NUBPL: variants seen among roughly 807,000 people sequenced by gnomAD.
NUBPL encodes the protein iron-sulfur cluster transfer protein NUBPL.
A neutral mutation model predicts 45.7 loss-of-function variants in NUBPL; 31 were observed. The observed-to-expected ratio is 0.68, with a 90% CI of 0.51 to 0.92. NUBPL has a LOEUF of 0.92. NUBPL is among the 40% of genes least tolerant of loss of function. The pLI is 0.00. For synonymous variants in NUBPL, 144 were observed against 140.9 expected (o/e 1.02, Z -0.15); for missense variants, 401 against 398.7 (o/e 1.01, Z -0.05).
At chr14:31,600,669 G>A (rs1414942850) in intron 4 of NUBPL, among the ~76,000 whole-genome samples, 1 of 152,122 alleles carries the variant, frequency 6.6e-6, no homozygotes, top group Non-Finnish European at 1.5e-5. Flanking sequence ...TGTCAGATGA[G>A]TAGGTTGCAA....
At chr14:31,793,209 C>T (rs1156309451) in intron 7 of NUBPL, among the ~76,000 whole-genome samples, 1 of 151,838 alleles carries the variant, frequency 6.6e-6, no homozygotes, top group African/African-American at 2.4e-5. Context: ...ATTTGGGATC[C>T]CTCTAGAAAA....
chr14:31,817,944 C>CA (rs2039949413), intron 7 of NUBPL, among the ~76,000 whole-genome samples: 1 of 147,532 alleles, frequency 6.8e-6, no homozygotes, highest in African/African-American at 2.6e-5. Context: ...CACATAGGCT[C>CA]AAAATAAAGG....
At chr14:31,802,412 A>G (rs975288472) in intron 7 of NUBPL, among the ~76,000 whole-genome samples, 1 of 151,894 alleles carries the variant, frequency 6.6e-6, no homozygotes, top group African/African-American at 2.4e-5. Flanking sequence ...AGTAGCTGGG[A>G]CTACAGGCGC....
At chr14:31,638,923 C>T (rs1487613244) in intron 4 of NUBPL, among the ~76,000 whole-genome samples, 1 of 152,202 alleles carries the variant, frequency 6.6e-6, no homozygotes, top group Non-Finnish European at 1.5e-5. Flanking sequence ...TGAGCCTTGG[C>T]TTTCAGCTCC....
At chr14:31,567,534 A>AT (rs551971281) in intron 3 of NUBPL, among the ~76,000 whole-genome samples, 2 of 151,940 alleles carry the variant, frequency 1.3e-5, no homozygotes, top group Non-Finnish European at 2.9e-5. Context: ...TATTTTTCAC[A>AT]TTGCTGTATT....
rs2139028960 is a variant in NUBPL at position 31,859,367 on chromosome 14, C to T, written c.*187C>T. The T allele has an allele frequency of 1.6e-6, 1 of 613,880 alleles. No homozygotes were observed. Among genetic ancestry groups the T allele is most frequent in the South Asian group, 1.9e-5 (1 of 51,912 alleles). The allele number at this position is 613,880 out of a possible 1,614,324, so 38.0% of individuals were successfully genotyped here. Reference sequence around the variant, plus strand: ...AACTTTGATGTATCAATGTTAACTGCTATATTTAGGAATTTTTTGAAAGCT... The same window carrying T: ...AACTTTGATGTATCAATGTTAACTGTTATATTTAGGAATTTTTTGAAAGCT... On this transcript the variant is annotated 3_prime_UTR_variant, in exon 11 of 11. Coordinates refer to ENST00000281081, the MANE Select transcript of NUBPL (RefSeq NM_025152.3).
chr14:31,643,548 CGCT>C, intron 4 of NUBPL, among the ~76,000 whole-genome samples: 1 of 152,056 alleles, frequency 6.6e-6, no homozygotes, highest in Middle Eastern at 3.4e-3. Context: ...GAATTCAGTT[CGCT>C]GCTATTTTGT....
chr14:31,738,804 T>C (rs2038215279), intron 6 of NUBPL, among the ~76,000 whole-genome samples: 1 of 152,190 alleles, frequency 6.6e-6, no homozygotes, highest in African/African-American at 2.4e-5. Flanking sequence ...TATAAATTGG[T>C]ATTTTTAAAA....
intron 10 of NUBPL, among the ~76,000 whole-genome samples, chr14:31,854,401 G>C (rs1316974728): frequency 6.6e-6 from 1 of 152,180 alleles, no homozygotes; most frequent in Non-Finnish European, 1.5e-5. Flanking sequence ...TTTTTTGCTA[G>C]TTATGGATTA....
chr14:31,722,027 C>T (rs940161849), intron 6 of NUBPL, among the ~76,000 whole-genome samples: 3 of 151,970 alleles, frequency 2.0e-5, no homozygotes, highest in Admixed American at 6.6e-5. Context: ...GACAGAGTCT[C>T]GTTCTGTCGC....
chr14:31,632,842 T>C (rs920475923), intron 4 of NUBPL, among the ~76,000 whole-genome samples: 2 of 152,190 alleles, frequency 1.3e-5, no homozygotes, highest in African/African-American at 2.4e-5. Flanking sequence ...AAAGTATCCA[T>C]AGGGAAAGAA....
At chr14:31,603,298 T>TG (rs1555316287) in intron 4 of NUBPL, among the ~76,000 whole-genome samples, 2 of 94,276 alleles carry the variant, frequency 2.1e-5, no homozygotes, top group Non-Finnish European at 4.0e-5. Context: ...AGATCCTGTC[T>TG]GAAAAAAAAA....
intron 6 of NUBPL, among the ~76,000 whole-genome samples, chr14:31,768,185 T>C (rs2038946771): frequency 1.3e-5 from 2 of 152,212 alleles, no homozygotes; most frequent in South Asian, 4.1e-4. Flanking sequence ...GTTTCTTAGC[T>C]AAAATTCCTG....
chr14:31,856,323 C>T (rs1487658346), intron 10 of NUBPL, among the ~76,000 whole-genome samples: 1 of 152,074 alleles, frequency 6.6e-6, no homozygotes, highest in Non-Finnish European at 1.5e-5. Context: ...GATTCAATCA[C>T]CTCCCACCAG....
At chr14:31,826,756 C>CAGTTAGAAGAGTTT in intron 8 of NUBPL, 42 bp downstream of exon 8, 1 of 1,537,748 alleles carries the variant, frequency 6.5e-7, no homozygotes, top group Non-Finnish European at 9.0e-7. Flanking sequence ...TAAAACTCTT[C>CAGTTAGAAGAGTTT]TAACTGAAGA....
At chr14:31,845,715 A>T (rs1248656193) in intron 8 of NUBPL, 4 of 152,350 alleles carry the variant, frequency 2.6e-5, no homozygotes, top group African/African-American at 9.6e-5. Flanking sequence ...TCTTGTGAAG[A>T]GTAAATAAGA....
chr14:31,785,546 T>C (rs2039268707), intron 6 of NUBPL, among the ~76,000 whole-genome samples: 1 of 152,102 alleles, frequency 6.6e-6, no homozygotes, highest in African/African-American at 2.4e-5. Context: ...CATGGAAAAA[T>C]TGTCTTCCAC....
In NUBPL at chr14:31,826,729, C is replaced by T. The variant is rs1403420439; in HGVS notation, c.693+15C>T. 2 of 1,607,704 alleles carry T rather than the reference C, an allele frequency of 1.2e-6. No homozygotes were observed. Among genetic ancestry groups the T allele is most frequent in the Non-Finnish European group, 1.7e-6 (2 of 1,174,220 alleles). On this transcript the variant is annotated intron_variant, in intron 8 of 10. Transcript: ENST00000281081. ...TCCACGTGCCCGTAAGCGTTTACAG[C>T]TTCACTGTGAAAAATATAAAACTCT...
At chr14:31,768,798 G>A (rs2138754659) in intron 6 of NUBPL, among the ~76,000 whole-genome samples, 1 of 152,334 alleles carries the variant, frequency 6.6e-6, no homozygotes, top group Admixed American at 6.5e-5. Flanking sequence ...AAGATGAAGA[G>A]TTCATCCTGG....
Sources: gnomAD v4.1 joint callset for allele counts (sites outside exome capture counted in the v4.1 genomes callset) on GRCh38, gnomAD v4.1.1 for gene constraint, MANE v1.5 for transcripts, NCBI Gene and HGNC (gene_info 2026-07-23, HGNC 2026-07-21) for gene names.